CACNA1C: variants seen among roughly 807,000 people sequenced by gnomAD.
CACNA1C encodes the protein calcium voltage-gated channel subunit alpha1 C.
A neutral mutation model predicts 229.0 loss-of-function variants in CACNA1C; 30 were observed. The observed-to-expected ratio is 0.13, with a 90% CI of 0.10 to 0.18. The LOEUF (loss-of-function observed/expected upper bound fraction) is 0.18, where lower values mean the gene tolerates loss of function less well. CACNA1C is among the 10% of genes least tolerant of loss of function. CACNA1C has a pLI of 1.00. For synonymous variants in CACNA1C, 1,114 were observed against 1,132.5 expected, an observed-to-expected ratio of 0.98 and a Z score of 0.33; for missense variants, 1,658 against 2,845.0, an observed-to-expected ratio of 0.58 and a Z score of 9.49.
At chr12:2,510,049 C>A (rs368252387) in intron 8 of CACNA1C, among the ~76,000 whole-genome samples, 1 of 152,332 alleles carries the variant, frequency 6.6e-6, no homozygotes, top group South Asian at 2.1e-4. Flanking sequence ...TGCTTCACAT[C>A]GCTGAGCCCT....
In CACNA1C at chr12:2,608,802, G is replaced by A; in HGVS notation, c.3558+90G>A. The A allele has an allele frequency of 7.6e-7, 1 of 1,307,936 alleles. No homozygotes were observed. Among genetic ancestry groups the A allele is most frequent in the Non-Finnish European group, 1.1e-6 (1 of 927,858 alleles). The allele number at this position is 1,307,936 out of a possible 1,614,324, so 81.0% of individuals were successfully genotyped here. The stretch of plus-strand genomic sequence containing the variant: ...CCCCGCAGAGGGGCTGCGACAGGGA[G>A]AGGCCGTGCAGATACTGAGATCGTC... On this transcript the variant is annotated intron_variant, in intron 27 of 46. Coordinates refer to ENST00000399655, the MANE Select transcript of CACNA1C (RefSeq NM_000719.7). The surrounding 1 kb of genome is among the most constrained non-coding windows in gnomAD (Gnocchi z 4.2).
chr12:2,385,506 G>T (rs1042202742), intron 3 of CACNA1C, among the ~76,000 whole-genome samples: 4 of 152,058 alleles, frequency 2.6e-5, no homozygotes, highest in Non-Finnish European at 4.4e-5. Context: ...GCTAGGACCC[G>T]CTGCTGTCTC....
intron 13 of CACNA1C, among the ~76,000 whole-genome samples, chr12:2,568,455 C>T (rs2052477436): frequency 6.6e-6 from 1 of 152,168 alleles, no homozygotes; most frequent in Non-Finnish European, 1.5e-5. Flanking sequence ...CCATCAATTC[C>T]ACTTCTGGGT....
At chr12:2,500,829 G>A (rs943568316) in intron 7 of CACNA1C, among the ~76,000 whole-genome samples, 6 of 152,142 alleles carry the variant, frequency 3.9e-5, no homozygotes, top group African/African-American at 1.4e-4. Context: ...CTGTCTGCAG[G>A]ATGCTGTGTG....
chr12:2,113,730 C>T (rs950252575), intron 1 of CACNA1C, among the ~76,000 whole-genome samples: 1 of 152,204 alleles, frequency 6.6e-6, no homozygotes, highest in African/African-American at 2.4e-5. Context: ...GTCTCAAGGT[C>T]ATGCATGTGT....
At chr12:2,362,570 G>A (rs1378423406) in intron 3 of CACNA1C, among the ~76,000 whole-genome samples, 2 of 152,228 alleles carry the variant, frequency 1.3e-5, no homozygotes, top group Admixed American at 6.5e-5. Context: ...TGGGGTGCAT[G>A]TGTGTCCTCT....
At chr12:2,389,517 C>CT (rs1490380447) in intron 3 of CACNA1C, among the ~76,000 whole-genome samples, 3 of 152,316 alleles carry the variant, frequency 2.0e-5, no homozygotes, top group African/African-American at 7.2e-5. Flanking sequence ...ATCCTGTCCT[C>CT]TGTGAGTGAA....
chr12:2,189,092 CAAAAAAAAAA>C (rs57559183), intron 3 of CACNA1C, among the ~76,000 whole-genome samples: 4 of 34,400 alleles, frequency 1.2e-4, no homozygotes, highest in Admixed American at 3.5e-4. Flanking sequence ...GACTCCGTCT[CAAAAAAAAAA>C]AAAAAAAAAA....
chr12:2,499,465 G>T (rs1380464782), intron 7 of CACNA1C, among the ~76,000 whole-genome samples: 11 of 152,244 alleles, frequency 7.2e-5, no homozygotes, highest in African/African-American at 2.7e-4. Flanking sequence ...TGGCCTCGAG[G>T]AGAGGGGCTA....
In CACNA1C at chr12:1,971,128, C is replaced by A. The variant is rs1339891648; in HGVS notation, c.66C>A (p.Ala22=). Residue 22 remains alanine, a synonymous_variant, in exon 1 of 47, where the codon GCC becomes GCA. Coordinates refer to the CACNA1C transcript ENST00000682462. This position sits in a 1 kb window ranked among gnomAD's most constrained non-coding sequence, Gnocchi z 4.2. ...AGCCGCTTCCCAGCCACCTGTCTGC[C>A]AACACGGAGGTCAAGTTTAAGGGTA... is the stretch of plus-strand genomic sequence containing the variant. The A allele has an allele frequency of 1.6e-6, 2 of 1,289,090 alleles. No homozygotes were observed. The highest frequency in any genetic ancestry group is 1.1e-4 in the East Asian group (2 of 18,034). 79.9% of individuals were successfully genotyped at this position (1,289,090 alleles called of 1,614,324 possible).
intron 3 of CACNA1C, among the ~76,000 whole-genome samples, chr12:2,368,415 G>T (rs149577050): frequency 1.8e-3 from 278 of 152,220 alleles, no homozygotes; most frequent in African/African-American, 6.1e-3. Context: ...ATTAATAAAA[G>T]GGCCCCAGAA....
At chr12:2,600,516 C>G (rs1479223121) in intron 21 of CACNA1C, among the ~76,000 whole-genome samples, 1 of 152,208 alleles carries the variant, frequency 6.6e-6, no homozygotes. Context: ...TCTCCACTGT[C>G]GGCTCCACAT....
At chr12:2,577,943 A>T (rs1004083587) in intron 13 of CACNA1C, among the ~76,000 whole-genome samples, 23 of 147,440 alleles carry the variant, frequency 1.6e-4, no homozygotes, top group African/African-American at 5.6e-4. Context: ...ATCTCGGCTC[A>T]CTGCAAGCTC....
chr12:1,986,484 C>CCA (rs1240667328), intron 1 of CACNA1C, among the ~76,000 whole-genome samples: 1 of 152,150 alleles, frequency 6.6e-6, no homozygotes, highest in East Asian at 1.9e-4. Flanking sequence ...ACTCTTCAGA[C>CCA]CACAGGGGCA....
At chr12:2,425,023 T>C (rs577814386) in intron 3 of CACNA1C, among the ~76,000 whole-genome samples, 4 of 152,364 alleles carry the variant, frequency 2.6e-5, no homozygotes, top group Non-Finnish European at 4.4e-5. Context: ...AGAGGTCTGG[T>C]CAGGGACTGA....
chr12:2,445,446 G>C (rs1212031408), intron 3 of CACNA1C, among the ~76,000 whole-genome samples: 1 of 152,184 alleles, frequency 6.6e-6, no homozygotes, highest in Non-Finnish European at 1.5e-5. Flanking sequence ...AATGATCACT[G>C]TCAGGTGGGA....
intron 30 of CACNA1C, among the ~76,000 whole-genome samples, chr12:2,640,738 C>T (rs2093585193): frequency 6.6e-6 from 1 of 152,216 alleles, no homozygotes; most frequent in African/African-American, 2.4e-5. Context: ...ATCTTTCCAC[C>T]ATAGGCCCCC....
intron 3 of CACNA1C, among the ~76,000 whole-genome samples, chr12:2,358,689 G>T (rs1317748860): frequency 6.6e-6 from 1 of 152,142 alleles, no homozygotes; most frequent in Non-Finnish European, 1.5e-5. Context: ...AACCGCAAGC[G>T]GTGGGCAGTT....
At chr12:2,064,171 G>A (rs1451441329) in intron 1 of CACNA1C, among the ~76,000 whole-genome samples, 1 of 152,064 alleles carries the variant, frequency 6.6e-6, no homozygotes, top group Non-Finnish European at 1.5e-5. Flanking sequence ...AAACAAAAAC[G>A]AAACAAAAAA....
Sources: allele counts gnomAD v4.1 joint callset (sites outside exome capture counted in the v4.1 genomes callset), GRCh38; gene constraint gnomAD v4.1.1; non-coding constraint Gnocchi (gnomAD v3.1); transcripts MANE v1.5; gene names NCBI Gene and HGNC (gene_info 2026-07-23, HGNC 2026-07-21).